TTC27: variants seen among roughly 807,000 people sequenced by gnomAD.
The protein encoded by TTC27 is tetratricopeptide repeat protein 27.
A neutral mutation model predicts 115.9 loss-of-function variants in TTC27; 79 were observed. That is an observed-to-expected ratio of 0.68 (90% CI 0.57 to 0.82). The LOEUF (loss-of-function observed/expected upper bound fraction) is 0.82, where lower values mean the gene tolerates loss of function less well. Ranked by LOEUF, TTC27 falls within the 40% of genes least tolerant of loss-of-function variation. The pLI, the probability that TTC27 is intolerant of heterozygous loss-of-function variation, is 0.00. For synonymous variants in TTC27, 401 were observed against 356.0 expected, an observed-to-expected ratio of 1.13 and a Z score of -1.42; for missense variants, 1,054 against 993.1, an observed-to-expected ratio of 1.06 and a Z score of -0.82.
chr2:32,801,444 C>T (rs550942420), intron 16 of TTC27, among the ~76,000 whole-genome samples: 12 of 152,280 alleles, frequency 7.9e-5, no homozygotes, highest in Admixed American at 4.6e-4. Context: ...CATCTCCTCT[C>T]TTCTGTGTGT....
intron 12 of TTC27, among the ~76,000 whole-genome samples, chr2:32,746,693 G>T (rs1358518199): frequency 6.6e-6 from 1 of 151,906 alleles, no homozygotes; most frequent in Non-Finnish European, 1.5e-5. Context: ...TATTGCAGAA[G>T]TGATGTTATG....
chr2:32,640,520 C>T lies in TTC27; in HGVS notation c.537+110C>T, dbSNP rs926065669. 1.7e-5 allele frequency: 19 copies of T among 1,128,554 alleles called. No individual in the cohort carries two copies. In the African/African-American group the frequency reaches 3.0e-4, roughly 18 times the overall value. The allele number at this position is 1,128,554 out of a possible 1,614,324, so 69.9% of individuals were successfully genotyped here. On this transcript the variant is annotated intron_variant, in intron 4 of 19. Coordinates refer to ENST00000317907, the MANE Select transcript of TTC27 (RefSeq NM_017735.5). ...TCTTGGTCTATTTTGTTTTCTAAGT[C>T]TTCTAGGTATGTAATTTAAAAATCT...
At chr2:32,645,415 G>A (rs1027739140) in intron 4 of TTC27, among the ~76,000 whole-genome samples, 7 of 152,144 alleles carry the variant, frequency 4.6e-5, no homozygotes, top group South Asian at 2.1e-4. Context: ...CTAAACTATT[G>A]TGACTTCTCA....
chr2:32,795,827 C>T (rs912866206), intron 16 of TTC27, among the ~76,000 whole-genome samples: 1 of 151,588 alleles, frequency 6.6e-6, no homozygotes, highest in African/African-American at 2.4e-5. Context: ...GATCCACCCA[C>T]CTTGACCTTC....
In TTC27 at chr2:32,788,751, A is replaced by G. The variant is rs369854450; in HGVS notation, c.1998+1602A>G. ...GGTCATCCTTTCATGCTTGGCACCA[A>G]TAGAAGTTGTTTTATATAAGGTACC... On this transcript the variant is annotated intron_variant, in intron 16 of 19. Transcript: ENST00000317907. Among the ~76,000 whole-genome samples, 30 of 152,280 alleles carry G rather than the reference A, an allele frequency of 2.0e-4. No homozygotes were observed. In the East Asian group the frequency reaches 2.7e-3, roughly 14 times the overall value.
intron 9 of TTC27, among the ~76,000 whole-genome samples, chr2:32,696,894 C>T (rs1667005163): frequency 6.6e-6 from 1 of 152,212 alleles, no homozygotes; most frequent in African/African-American, 2.4e-5. Flanking sequence ...TTTTGTTTTC[C>T]ACTCAGAGAA....
At chr2:32,771,310 C>T (rs1669822078) in intron 13 of TTC27, among the ~76,000 whole-genome samples, 1 of 152,100 alleles carries the variant, frequency 6.6e-6, no homozygotes, top group African/African-American at 2.4e-5. Context: ...CTTTTCTTTT[C>T]TGCCTGTTGC....
chr2:32,817,257 A>AAAG (rs566041116), intron 18 of TTC27, among the ~76,000 whole-genome samples, 200 bp from the exon 19 acceptor site: 40 of 151,962 alleles, frequency 2.6e-4, no homozygotes, highest in African/African-American at 5.5e-4. Flanking sequence ...TAAAAAAAAA[A>AAAG]AAGAAGAAGA....
chr2:32,729,075 A>G (rs1012305517), intron 10 of TTC27, among the ~76,000 whole-genome samples: 2 of 152,202 alleles, frequency 1.3e-5, no homozygotes, highest in African/African-American at 4.8e-5. Context: ...ATGATCAGTC[A>G]TAACTTTTAG....
chr2:32,815,258 ACGGAGT>A (rs1371793637), intron 18 of TTC27, among the ~76,000 whole-genome samples: 1 of 32,468 alleles, frequency 3.1e-5, no homozygotes, highest in Non-Finnish European at 5.2e-5. Context: ...TTTTTTTGAG[ACGGAGT>A]CTTGCTCTGT....
intron 10 of TTC27, among the ~76,000 whole-genome samples, chr2:32,706,077 C>CTTTTTTTTTTT (rs148953090): frequency 1.9e-5 from 1 of 53,220 alleles, no homozygotes; most frequent in Non-Finnish European, 3.2e-5. Flanking sequence ...TTACCTTACT[C>CTTTTTTTTTTT]TTTTTTTTTT....
intron 13 of TTC27, among the ~76,000 whole-genome samples, chr2:32,770,630 T>C (rs991871446): frequency 5.3e-5 from 8 of 152,190 alleles, no homozygotes; most frequent in Admixed American, 4.6e-4. Flanking sequence ...GTGACTCTCT[T>C]TGAGACCAGG....
intron 14 of TTC27, 40 bp downstream of exon 14, chr2:32,778,020 C>T: frequency 1.9e-6 from 3 of 1,589,036 alleles, no homozygotes; most frequent in Non-Finnish European, 2.6e-6. Context: ...TGGCTCTTTA[C>T]TCTCTAAGTT....
chr2:32,641,382 A>G (rs1664642254), intron 4 of TTC27, among the ~76,000 whole-genome samples: 1 of 152,254 alleles, frequency 6.6e-6, no homozygotes, highest in African/African-American at 2.4e-5. Context: ...ACTGTCTTCC[A>G]ATAAAGCTTT....
intron 10 of TTC27, among the ~76,000 whole-genome samples, chr2:32,715,458 C>T (rs576028508): frequency 6.6e-6 from 1 of 152,074 alleles, no homozygotes. Flanking sequence ...CAGTACCATG[C>T]TATTTTTGTT....
At chr2:32,797,441 G>T (rs1670746402) in intron 16 of TTC27, among the ~76,000 whole-genome samples, 3 of 152,090 alleles carry the variant, frequency 2.0e-5, no homozygotes, top group African/African-American at 7.2e-5. Flanking sequence ...GCTTCCCAAA[G>T]TGCTGAAATT....
intron 18 of TTC27, among the ~76,000 whole-genome samples, chr2:32,815,485 C>T (rs1456472030): frequency 6.6e-6 from 1 of 152,006 alleles, no homozygotes; most frequent in African/African-American, 2.4e-5. Flanking sequence ...GATCCGCCCG[C>T]CTCAGCCTCC....
At chr2:32,716,360 G>T (rs540721667) in intron 10 of TTC27, among the ~76,000 whole-genome samples, 1 of 151,928 alleles carries the variant, frequency 6.6e-6, no homozygotes, top group East Asian at 1.9e-4. Flanking sequence ...ACAAATTTTA[G>T]TACTGCATAT....
intron 2 of TTC27, among the ~76,000 whole-genome samples, chr2:32,631,311 AC>A (rs1326843651): frequency 6.6e-6 from 1 of 152,164 alleles, no homozygotes; most frequent in African/African-American, 2.4e-5. Context: ...TCAAAAAAAA[AC>A]CAAAAAACAA....
Sources: gnomAD v4.1 joint callset for allele counts (sites outside exome capture counted in the v4.1 genomes callset) on GRCh38, gnomAD v4.1.1 for gene constraint, MANE v1.5 for transcripts, NCBI Gene and HGNC (gene_info 2026-07-23, HGNC 2026-07-21) for gene names.